DIP2A: variants seen among roughly 807,000 people sequenced by gnomAD.
DIP2A encodes DIP2 acetate--CoA ligase A.
DIP2A carries 85 observed loss-of-function variants against 177.4 expected under a neutral mutation model. The ratio of observed to expected loss-of-function variants is 0.48; its 90% CI spans 0.40 to 0.57. The LOEUF is 0.57. DIP2A is among the 20% of genes least tolerant of loss of function. The pLI is 0.00. For missense variants in DIP2A, 1,791 were observed against 2,100.2 expected, an observed-to-expected ratio of 0.85 and a Z score of 2.88; for synonymous variants, 886 against 881.8, an observed-to-expected ratio of 1.00 and a Z score of -0.08.
At chr21:46,506,070 T>C (rs1206966286) in intron 6 of DIP2A, among the ~76,000 whole-genome samples, 1 of 151,842 alleles carries the variant, frequency 6.6e-6, no homozygotes, top group Non-Finnish European at 1.5e-5. Flanking sequence ...TTTCATTTCT[T>C]TTGGGTCAAT....
At chr21:46,550,030 C>T in intron 22 of DIP2A, 145 bp downstream of exon 22, 2 of 1,476,786 alleles carry the variant, frequency 1.4e-6, no homozygotes, top group East Asian at 4.7e-5. Context: ...TGCAAATTGA[C>T]AAATTACAGC....
intron 18 of DIP2A, among the ~76,000 whole-genome samples, chr21:46,543,893 G>C (rs2059925813): frequency 6.6e-6 from 1 of 152,138 alleles, no homozygotes; most frequent in Non-Finnish European, 1.5e-5. Flanking sequence ...TCTCTGCAAA[G>C]TCTTTTATCT....
At chr21:46,459,654 C>T (rs1489979729) in intron 1 of DIP2A, among the ~76,000 whole-genome samples, 5 of 150,358 alleles carry the variant, frequency 3.3e-5, no homozygotes, top group Admixed American at 6.6e-5. Context: ...AGCCCCGGGA[C>T]ACCCGCGCGG....
chr21:46,579,729 G>A, the DIP2A span, among the ~76,000 whole-genome samples: 1 of 152,208 alleles, frequency 6.6e-6, no homozygotes, highest in Non-Finnish European at 1.5e-5. Context: ...TCATTCAGGA[G>A]GAGGTTGTTC....
At chr21:46,541,718 C>A in intron 17 of DIP2A, 38 bp from the exon 18 acceptor site, 1 of 1,612,746 alleles carries the variant, frequency 6.2e-7, no homozygotes, top group Non-Finnish European at 8.5e-7. Flanking sequence ...AATTTCATCC[C>A]CCTCGTCAGT....
chr21:46,549,621 T>C, intron 21 of DIP2A, 150 bp from the exon 22 acceptor site: 2 of 1,390,564 alleles, frequency 1.4e-6, no homozygotes, highest in African/African-American at 2.9e-5. Context: ...GAATGATGAG[T>C]TACTTTTTGA....
chr21:46,525,903 A>G (rs1378280785), intron 8 of DIP2A, among the ~76,000 whole-genome samples: 1 of 140,922 alleles, frequency 7.1e-6, no homozygotes, highest in Non-Finnish European at 1.5e-5. Context: ...TATTATTATT[A>G]TTATTATTAT....
intron 17 of DIP2A, among the ~76,000 whole-genome samples, chr21:46,540,781 AG>A (rs558995116): frequency 2.4e-4 from 37 of 152,318 alleles, no homozygotes; most frequent in African/African-American, 8.4e-4. Context: ...TGGGAGGCCG[AG>A]GCAGGTGGAT....
At chr21:46,511,667 A>G (rs1243230369) in intron 8 of DIP2A, 53 bp downstream of exon 8, 1 of 1,444,360 alleles carries the variant, frequency 6.9e-7, no homozygotes, top group Non-Finnish European at 9.2e-7. Context: ...AGAATGTCAC[A>G]CACATAACAC....
Position 46,537,616 on chromosome 21 carries a change from A to C in DIP2A, c.1801+77A>C. The C allele has an allele frequency of 4.9e-6, 7 of 1,422,590 alleles. No homozygotes were observed. The highest frequency in any genetic ancestry group is 6.9e-6 in the Non-Finnish European group (7 of 1,020,132). 88.1% of individuals were successfully genotyped at this position (1,422,590 alleles called of 1,614,324 possible). On this transcript the variant is annotated intron_variant, in intron 15 of 37. Transcript: ENST00000417564. The surrounding 1 kb of genome is among the most constrained non-coding windows in gnomAD (Gnocchi z 4.1). The stretch of plus-strand genomic sequence containing the variant: ...GAACTGACCTTTGGTGCTTAAGAAA[A>C]AATAAAGCTGACATGTGGAACTGCA...
At chr21:46,488,922 T>C (rs891742061) in intron 2 of DIP2A, among the ~76,000 whole-genome samples, 5 of 152,250 alleles carry the variant, frequency 3.3e-5, no homozygotes, top group African/African-American at 9.6e-5. Flanking sequence ...AGTCCGTCTG[T>C]GTATATGTCA....
chr21:46,490,792 C>A, intron 3 of DIP2A, 73 bp downstream of exon 3: 1 of 1,457,610 alleles, frequency 6.9e-7, no homozygotes, highest in Non-Finnish European at 9.1e-7. Context: ...TGAAGTCTTC[C>A]AGTTATTTTT....
chr21:46,491,620 C>T (rs2839291), intron 3 of DIP2A, among the ~76,000 whole-genome samples: 24,241 of 152,084 alleles, frequency 0.16, 2,195 homozygotes, highest in African/African-American at 0.21. Flanking sequence ...ACCTGATACC[C>T]CTGAATCCTG....
chr21:46,472,419 C>CT (rs1469855076), intron 1 of DIP2A, among the ~76,000 whole-genome samples: 1 of 152,212 alleles, frequency 6.6e-6, no homozygotes, highest in Non-Finnish European at 1.5e-5. Flanking sequence ...TGCCAGGAGG[C>CT]TTACAGTCTA....
In DIP2A at chr21:46,560,735, C is replaced by T. The variant is rs755440486; in HGVS notation, c.3983C>T (p.Pro1328Leu). The change falls in exon 33 of 38, where the codon CCG (proline) becomes CTG (leucine). Residue 1328 changes from proline (P) to leucine (L), a missense_variant. By Grantham distance (98) the Pro-to-Leu change is moderately conservative. Coordinates refer to ENST00000417564, the MANE Select transcript of DIP2A (RefSeq NM_015151.4). ...CTCTCCTTCCAGGGCACAGCTGGCC[C>T]GGACCCCACAACCGTCTACGTGGAC... The part of the protein sequence containing the change: ...VAICLQGTAG[P>L]DPTTVYVDMR... The T allele has an allele frequency of 1.6e-5, 26 of 1,608,646 alleles. No homozygotes were observed. The highest frequency in any genetic ancestry group is 6.7e-5 in the Admixed American group (4 of 59,360).
Position 46,545,905 on chromosome 21 carries a change from G to A in DIP2A, c.2338G>A (p.Ala780Thr), listed in dbSNP as rs375140780. Residue 780 changes from alanine (A) to threonine (T), a missense_variant, in exon 20 of 38, where the codon GCA becomes ACA. Ala to Thr is a moderately conservative substitution (Grantham distance 58, BLOSUM62 0). Transcript: ENST00000417564. Reference sequence around the variant, plus strand: ...GGCAGTTCCGGTCACCACAGGAGGAGCACCCATCTTTGACAGGCCATTCAC... The same window carrying A: ...GGCAGTTCCGGTCACCACAGGAGGAACACCCATCTTTGACAGGCCATTCAC... ...FEAVPVTTGG[A>T]PIFDRPFTRT... is the part of the protein sequence containing the mutation. 37 of 1,613,998 alleles carry A rather than the reference G, an allele frequency of 2.3e-5. No individual in the cohort carries two copies. In the East Asian group the frequency reaches 4.5e-4, roughly 19 times the overall value.
chr21:46,562,822 G>T (rs988104005), intron 34 of DIP2A, among the ~76,000 whole-genome samples: 3 of 152,160 alleles, frequency 2.0e-5, no homozygotes, highest in African/African-American at 7.2e-5. Flanking sequence ...ATCTGTGGGA[G>T]CCGTGGGCTG....
At chr21:46,465,612 C>G (rs992763572) in intron 1 of DIP2A, among the ~76,000 whole-genome samples, 2 of 152,044 alleles carry the variant, frequency 1.3e-5, no homozygotes, top group African/African-American at 4.8e-5. Flanking sequence ...CTGCTGGGCA[C>G]TTTAACGTAA....
chr21:46,528,979 A>C (rs1452503078), intron 8 of DIP2A, 113 bp from the exon 9 acceptor site: 2 of 582,032 alleles, frequency 3.4e-6, no homozygotes, highest in Non-Finnish European at 5.7e-6. Flanking sequence ...AAACTACCTA[A>C]ATTTCCACTA....
Sources: gnomAD v4.1 joint callset for allele counts (sites outside exome capture counted in the v4.1 genomes callset) on GRCh38, gnomAD v4.1.1 for gene constraint, Gnocchi (gnomAD v3.1) non-coding constraint, MANE v1.5 for transcripts, NCBI Gene and HGNC (gene_info 2026-07-23, HGNC 2026-07-21) for gene names.